RSPO2: variants seen among roughly 807,000 people sequenced by gnomAD.
RSPO2 encodes R-spondin-2.
Under a neutral mutation model 30.9 loss-of-function variants are expected in RSPO2, and 14 were observed. That is an observed-to-expected ratio of 0.45 (90% CI 0.30 to 0.71). The LOEUF is 0.71. Ranked by LOEUF, RSPO2 falls within the 30% of genes least tolerant of loss-of-function variation. RSPO2 has a pLI of 0.08. For missense variants in RSPO2, 264 were observed against 301.9 expected (o/e 0.87, Z 0.93); for synonymous variants, 107 against 96.4 (o/e 1.11, Z -0.64).
Position 108,061,402 on chromosome 8 carries a change from A to G in RSPO2, c.94+21143T>C, listed in dbSNP as rs1463697967. 2.6e-5 allele frequency among the ~76,000 whole-genome samples: 4 copies of G among 151,960 alleles called. No homozygotes were observed. In the South Asian group the frequency reaches 6.2e-4, roughly 24 times the overall value. ...TTGCAATCCTAGTCTCTGATAAAAC[A>G]GACTTTAAACCAACAAAGATCAAAA... On this transcript the variant is annotated intron_variant, in intron 2 of 5. Transcript: ENST00000276659.
At chr8:108,021,784 G>A (rs2443771) in intron 2 of RSPO2, among the ~76,000 whole-genome samples, 37,248 of 151,682 alleles carry the variant, frequency 0.25, 4,877 homozygotes, top group Non-Finnish European at 0.29. Context: ...CAGGGGTTGG[G>A]GACAAGGGGA....
At chr8:108,006,754 G>T (rs1014046006) in intron 2 of RSPO2, among the ~76,000 whole-genome samples, 6 of 152,150 alleles carry the variant, frequency 3.9e-5, no homozygotes, top group African/African-American at 1.4e-4. Context: ...CTTACCTGGT[G>T]TAAGTCACGA....
At chr8:107,987,263 T>G (rs188687286) in intron 3 of RSPO2, among the ~76,000 whole-genome samples, 28 of 152,326 alleles carry the variant, frequency 1.8e-4, no homozygotes. Context: ...CTGCAATCAT[T>G]ATAATAGCCT....
intron 3 of RSPO2, among the ~76,000 whole-genome samples, chr8:107,974,823 G>A (rs994691216): frequency 1.4e-5 from 2 of 142,738 alleles, no homozygotes; most frequent in African/African-American, 5.2e-5. Context: ...AGGTCATGCA[G>A]GATTGTGAAC....
chr8:107,906,939 G>A (rs1301774559), intron 5 of RSPO2, among the ~76,000 whole-genome samples: 1 of 151,514 alleles, frequency 6.6e-6, no homozygotes, highest in Non-Finnish European at 1.5e-5. Flanking sequence ...TCTACTCTTT[G>A]CAATTTTCAA....
intron 2 of RSPO2, among the ~76,000 whole-genome samples, chr8:108,014,233 A>G (rs549871308): frequency 9.2e-5 from 14 of 152,314 alleles, no homozygotes; most frequent in African/African-American, 3.4e-4. Flanking sequence ...GAACACTTTT[A>G]CACTGCTGGT....
At chr8:107,920,244 A>T (rs1299328717) in intron 5 of RSPO2, among the ~76,000 whole-genome samples, 1 of 152,182 alleles carries the variant, frequency 6.6e-6, no homozygotes, top group Non-Finnish European at 1.5e-5. Flanking sequence ...TTAGGGGATC[A>T]TTTTATAAAA....
intron 2 of RSPO2, among the ~76,000 whole-genome samples, chr8:108,010,405 A>C (rs1810663548): frequency 6.6e-6 from 1 of 152,232 alleles, no homozygotes; most frequent in African/African-American, 2.4e-5. Flanking sequence ...GTGCTCCTTC[A>C]TCCCAGACAC....
At chr8:107,910,510 G>A (rs1811788602) in intron 5 of RSPO2, among the ~76,000 whole-genome samples, 1 of 152,130 alleles carries the variant, frequency 6.6e-6, no homozygotes. Context: ...TCCAGCCTGG[G>A]TGACAAAGCA....
intron 1 of RSPO2, 182 bp from the exon 2 acceptor site, chr8:108,082,989 G>A (rs1012199450): frequency 1.9e-5 from 5 of 261,894 alleles, no homozygotes; most frequent in Non-Finnish European, 2.2e-5. Context: ...TGGAGAGGAA[G>A]GTGATTATAA....
intron 2 of RSPO2, among the ~76,000 whole-genome samples, chr8:108,055,139 A>C (rs1812203875): frequency 6.6e-6 from 1 of 151,218 alleles, no homozygotes; most frequent in Admixed American, 6.6e-5. Flanking sequence ...AAGAAAAGAA[A>C]ACAGAAAATA....
intron 2 of RSPO2, among the ~76,000 whole-genome samples, chr8:108,040,720 T>C (rs1811728574): frequency 6.6e-6 from 1 of 151,986 alleles, no homozygotes; most frequent in Non-Finnish European, 1.5e-5. Context: ...CAGAGGAAAA[T>C]TAGTTACGAG....
chr8:108,064,701 C>G (rs1411902283), intron 2 of RSPO2, among the ~76,000 whole-genome samples: 1 of 152,128 alleles, frequency 6.6e-6, no homozygotes, highest in African/African-American at 2.4e-5. Flanking sequence ...ATAAATCATG[C>G]TGCTATAAAG....
chr8:107,927,282 T>A (rs1407614028), intron 5 of RSPO2, among the ~76,000 whole-genome samples: 1 of 152,228 alleles, frequency 6.6e-6, no homozygotes, highest in Non-Finnish European at 1.5e-5. Flanking sequence ...CTTATCAGCT[T>A]CAGGAGATTT....
At chr8:108,054,669 G>T in intron 2 of RSPO2, among the ~76,000 whole-genome samples, 1 of 152,214 alleles carries the variant, frequency 6.6e-6, no homozygotes, top group Non-Finnish European at 1.5e-5. Flanking sequence ...CAACAGAGCA[G>T]AGCTAGATGT....
intron 2 of RSPO2, among the ~76,000 whole-genome samples, chr8:108,015,312 A>G (rs1810850225): frequency 6.6e-6 from 1 of 152,166 alleles, no homozygotes; most frequent in Admixed American, 6.5e-5. Context: ...CAATAGTACT[A>G]CCATTTATCT....
chr8:107,988,905 G>A, intron 3 of RSPO2, 151 bp downstream of exon 3: 1 of 698,242 alleles, frequency 1.4e-6, no homozygotes, highest in Non-Finnish European at 2.2e-6. Flanking sequence ...TGGGATTACA[G>A]GCATGACCCA....
intron 2 of RSPO2, among the ~76,000 whole-genome samples, chr8:108,035,637 A>T (rs1473765445): frequency 6.6e-6 from 1 of 151,776 alleles, no homozygotes; most frequent in Non-Finnish European, 1.5e-5. Flanking sequence ...TGCCCGGCTA[A>T]TTTTTTTGTA....
chr8:108,035,619 C>T (rs184161544), intron 2 of RSPO2, among the ~76,000 whole-genome samples: 1,708 of 152,138 alleles, frequency 0.011, 34 homozygotes, highest in African/African-American at 0.04. Flanking sequence ...TACAGGCACC[C>T]GCCACCATGC....
Sources: allele counts gnomAD v4.1 joint callset (sites outside exome capture counted in the v4.1 genomes callset), GRCh38; gene constraint gnomAD v4.1.1; transcripts MANE v1.5; gene names NCBI Gene and HGNC (gene_info 2026-07-23, HGNC 2026-07-21).